The following PTPRC variants were observed in gnomAD, a reference collection of about 807,000 sequenced individuals.
PTPRC encodes protein tyrosine phosphatase receptor type C, also known as receptor-type tyrosine-protein phosphatase C.
PTPRC carries 44 observed loss-of-function variants against 155.9 expected under a neutral mutation model. The observed-to-expected ratio is 0.28, with a 90% CI of 0.22 to 0.36. The LOEUF is 0.36. PTPRC is among the 10% of genes least tolerant of loss of function. The pLI is 1.00. For synonymous variants in PTPRC, 525 were observed against 533.1 expected (o/e 0.98, Z 0.21); for missense variants, 1,401 against 1,564.6 (o/e 0.90, Z 1.76).
Position 198,692,389 on chromosome 1 carries a change from T to C in PTPRC, c.100+16T>C. On this transcript the variant is annotated intron_variant, in intron 3 of 32. Coordinates refer to ENST00000442510, the MANE Select transcript of PTPRC (RefSeq NM_002838.5). ...TCCCCCACTGGTAAGAATTAATATTTATATTTTTACTAATTTTATTTTCTT... is the reference window on the plus strand; with the variant it reads ...TCCCCCACTGGTAAGAATTAATATTCATATTTTTACTAATTTTATTTTCTT... 7.1e-7 allele frequency: 1 copy of C among 1,413,718 alleles called. No homozygotes were observed. The highest frequency in any genetic ancestry group is 9.3e-7 in the Non-Finnish European group (1 of 1,070,188). The allele number at this position is 1,413,718 out of a possible 1,614,324, so 87.6% of individuals were successfully genotyped here.
Position 198,684,370 on chromosome 1 carries a change from C to T in PTPRC, c.74-7977C>T, listed in dbSNP as rs140552628. Among the ~76,000 whole-genome samples, 581 of 151,728 alleles carry T rather than the reference C, an allele frequency of 3.8e-3. 5 individuals carry two copies. Among genetic ancestry groups the T allele is most frequent in the African/African-American group, 0.013 (528 of 41,404 alleles). ...AAAACATTATTGTAAATATTGGACA[C>T]CATAAGTCATTGGGAGACAGCTAGA... On this transcript the variant is annotated intron_variant, in intron 2 of 32. Transcript: ENST00000442510.
chr1:198,689,079 CT>C (rs781438280), intron 2 of PTPRC, among the ~76,000 whole-genome samples: 11 of 152,108 alleles, frequency 7.2e-5, no homozygotes, highest in Admixed American at 2.0e-4. Flanking sequence ...CTAAATTATT[CT>C]TTAAAAAAGT....
intron 2 of PTPRC, among the ~76,000 whole-genome samples, chr1:198,645,678 G>T (rs1662901919): frequency 6.6e-6 from 1 of 151,904 alleles, no homozygotes; most frequent in South Asian, 2.1e-4. Flanking sequence ...GATTCCAAAT[G>T]ATATCTCTTC....
chr1:198,700,146 GA>G (rs1248555874), intron 5 of PTPRC: 5 of 186,998 alleles, frequency 2.7e-5, no homozygotes, highest in African/African-American at 7.2e-5. Flanking sequence ...TAAAGAATGA[GA>G]AAAAAAGAAA....
At chr1:198,742,400 T>C (rs747893107) in intron 25 of PTPRC, 33 bp downstream of exon 25, 1 of 1,609,892 alleles carries the variant, frequency 6.2e-7, no homozygotes, top group Non-Finnish European at 8.5e-7. Context: ...TATTCTCACT[T>C]TGGTTTTTTG....
Position 198,716,715 on chromosome 1 carries a change from T to A in PTPRC, c.1325T>A (p.Ile442Asn). The A allele has an allele frequency of 1.9e-6, 3 of 1,612,258 alleles. No individual in the cohort carries two copies. The highest frequency in any genetic ancestry group is 2.5e-6 in the Non-Finnish European group (3 of 1,179,784). The change falls in exon 13 of 33, where the codon ATC (isoleucine) becomes AAC (asparagine). Residue 442 changes from isoleucine to asparagine, a missense_variant. Physicochemically the swap from Ile to Asn is moderately radical, Grantham distance 149. This residue lies in a region of PTPRC where 867 missense variants were observed against 970.4 expected (regional missense o/e 0.89). Transcript: ENST00000442510. Reference protein sequence around the residue: ...KDCLNLDKNLIKYDLQNLKPY... With the variant: ...KDCLNLDKNLNKYDLQNLKPY... ...TGCCTCAATCTGGATAAAAACCTGA[T>A]CAAATATGATTTGCAAAATTTAAAA...
At chr1:198,668,222 T>C (rs978053696) in intron 2 of PTPRC, among the ~76,000 whole-genome samples, 1 of 152,114 alleles carries the variant, frequency 6.6e-6, no homozygotes, top group Non-Finnish European at 1.5e-5. Flanking sequence ...TTTTTTATTT[T>C]TGTTTTAGAG....
intron 3 of PTPRC, among the ~76,000 whole-genome samples, 161 bp from the exon 4 acceptor site, chr1:198,696,551 C>A (rs1666212627): frequency 6.6e-6 from 1 of 151,970 alleles, no homozygotes; most frequent in Non-Finnish European, 1.5e-5. Context: ...ATATACACAC[C>A]ATATACATAC....
intron 23 of PTPRC, among the ~76,000 whole-genome samples, chr1:198,738,362 G>C (rs1654744388): frequency 6.6e-6 from 1 of 151,744 alleles, no homozygotes; most frequent in South Asian, 2.1e-4. Flanking sequence ...ATTATGAAGA[G>C]ATGTTGAATT....
intron 12 of PTPRC, among the ~76,000 whole-genome samples, chr1:198,716,353 T>TA (rs1464856817): frequency 3.3e-5 from 5 of 152,220 alleles, no homozygotes; most frequent in Admixed American, 2.0e-4. Flanking sequence ...ACTCAAGACT[T>TA]ACAGTATACA....
At chr1:198,723,132 T>TAA (rs924128266) in intron 15 of PTPRC, among the ~76,000 whole-genome samples, 9 of 149,816 alleles carry the variant, frequency 6.0e-5, no homozygotes, top group African/African-American at 9.7e-5. Flanking sequence ...TATATATATA[T>TAA]AAACAATATT....
chr1:198,743,487 T>G (rs1431394228), intron 25 of PTPRC, among the ~76,000 whole-genome samples: 1 of 151,836 alleles, frequency 6.6e-6, no homozygotes, highest in East Asian at 1.9e-4. Context: ...TAAAGAGGAT[T>G]ATCAGAAGTA....
intron 3 of PTPRC, among the ~76,000 whole-genome samples, chr1:198,696,169 T>A (rs894233587): frequency 8.1e-4 from 117 of 144,894 alleles, no homozygotes; most frequent in Non-Finnish European, 1.3e-3. Flanking sequence ...AAAAAGAAAA[T>A]ATATATATAT....
At chr1:198,720,900 A>T (rs902866808) in intron 14 of PTPRC, among the ~76,000 whole-genome samples, 1 of 152,152 alleles carries the variant, frequency 6.6e-6, no homozygotes, top group African/African-American at 2.4e-5. Context: ...CTCCAGGTGC[A>T]CTGGTTTCTC....
chr1:198,662,444 C>CTGTGTG (rs5779935), intron 2 of PTPRC, among the ~76,000 whole-genome samples: 3,289 of 131,182 alleles, frequency 0.025, 35 homozygotes, highest in East Asian at 0.029. Flanking sequence ...TTTCTGAGAG[C>CTGTGTG]TGTGTGTGTG....
At chr1:198,660,553 G>T (rs1192952023) in intron 2 of PTPRC, 1 of 151,690 alleles carries the variant, frequency 6.6e-6, no homozygotes, top group Non-Finnish European at 1.5e-5. Context: ...AGGACAACAG[G>T]TAGAGGTTAT....
chr1:198,743,958 T>G, intron 25 of PTPRC, 96 bp from the exon 26 acceptor site: 47 of 1,231,772 alleles, frequency 3.8e-5, no homozygotes, highest in East Asian at 9.9e-5. Flanking sequence ...TGTTCCAATA[T>G]GAGCAAATTT....
chr1:198,739,890 G>T (rs1558033185), intron 23 of PTPRC, among the ~76,000 whole-genome samples: 1 of 151,598 alleles, frequency 6.6e-6, no homozygotes, highest in Non-Finnish European at 1.5e-5. Flanking sequence ...GACTACAGTA[G>T]AACTAGAAAT....
Position 198,696,693 on chromosome 1 carries a change from A to C in PTPRC, c.101-19A>C, listed in dbSNP as rs774322480. The C allele has an allele frequency of 1.0e-5, 16 of 1,603,222 alleles. No individual in the cohort carries two copies. In the South Asian group the frequency reaches 1.8e-4, roughly 18 times the overall value. The stretch of plus-strand genomic sequence containing the variant: ...CACATATTTATTTTGTCCTTCTCCC[A>C]TTTTCCATTAATTAACAGGATTGAC... On this transcript the variant is annotated intron_variant, in intron 3 of 32. Transcript: ENST00000442510.
Sources: allele counts gnomAD v4.1 joint callset (sites outside exome capture counted in the v4.1 genomes callset), GRCh38; gene constraint gnomAD v4.1.1; regional missense constraint gnomAD v4.1.1; transcripts MANE v1.5; gene names NCBI Gene and HGNC (gene_info 2026-07-23, HGNC 2026-07-21).